WDR7: variants seen among roughly 807,000 people sequenced by gnomAD.
WDR7 encodes WD repeat-containing protein 7.
A neutral mutation model predicts 169.4 loss-of-function variants in WDR7; 46 were observed. That is an observed-to-expected ratio of 0.27 (90% CI 0.21 to 0.35). WDR7 has a LOEUF of 0.35. Among genes scored for constraint, WDR7 ranks in the 10% least tolerant of loss-of-function variants. The pLI, the probability that WDR7 is intolerant of heterozygous loss-of-function variation, is 1.00. For synonymous variants in WDR7, 612 were observed against 666.8 expected (o/e 0.92, Z 1.27); for missense variants, 1,534 against 1,859.3 (o/e 0.83, Z 3.22).
At chr18:56,651,628 T>A (rs1449709229) in intron 1 of WDR7, 52 bp downstream of exon 1, 1 of 152,432 alleles carries the variant, frequency 6.6e-6, no homozygotes, top group East Asian at 1.9e-4. Flanking sequence ...GGGATGTTCC[T>A]GCACCGTGGA....
At chr18:56,691,620 C>T (rs1050984372) in intron 8 of WDR7, 95 bp from the exon 9 acceptor site, 35 of 1,029,274 alleles carry the variant, frequency 3.4e-5, no homozygotes, top group Non-Finnish European at 4.4e-5. Flanking sequence ...TTAAAAATCC[C>T]CTTTTTGTCC....
chr18:56,783,151 G>A (rs2044344626), intron 19 of WDR7, among the ~76,000 whole-genome samples: 1 of 80,914 alleles, frequency 1.2e-5, no homozygotes, highest in Admixed American at 1.8e-4. Context: ...TTTTAATAAA[G>A]CAAATTAAGT....
chr18:56,716,172 A>G (rs1208577447), intron 12 of WDR7, among the ~76,000 whole-genome samples: 4 of 152,120 alleles, frequency 2.6e-5, no homozygotes, highest in Admixed American at 2.6e-4. Context: ...GTCAGAATCA[A>G]CTACCCCTCA....
At chr18:56,698,422 C>T (rs146176286) in intron 12 of WDR7, among the ~76,000 whole-genome samples, 77 of 151,696 alleles carry the variant, frequency 5.1e-4, no homozygotes, top group African/African-American at 1.6e-3. Flanking sequence ...CTGGCTGACA[C>T]GGTGAAACCC....
intron 21 of WDR7, among the ~76,000 whole-genome samples, chr18:56,902,837 A>T (rs557748752): frequency 2.6e-5 from 4 of 152,214 alleles, no homozygotes; most frequent in Admixed American, 2.0e-4. Flanking sequence ...CTGCAGCAGC[A>T]TAAGGAAGGT....
At chr18:56,921,085 C>T (rs952720424) in intron 21 of WDR7, among the ~76,000 whole-genome samples, 1 of 152,130 alleles carries the variant, frequency 6.6e-6, no homozygotes, top group African/African-American at 2.4e-5. Flanking sequence ...ATTATTCCTG[C>T]AGAACATCAT....
intron 26 of WDR7, among the ~76,000 whole-genome samples, chr18:57,014,084 G>A (rs956146792): frequency 3.3e-5 from 5 of 152,260 alleles, no homozygotes; most frequent in South Asian, 4.1e-4. Context: ...CCAGCACTTT[G>A]AGAGGCCGAG....
At chr18:56,653,866 C>T (rs1364504244) in intron 1 of WDR7, among the ~76,000 whole-genome samples, 2 of 152,120 alleles carry the variant, frequency 1.3e-5, no homozygotes, top group African/African-American at 4.8e-5. Context: ...CTCTGTGATA[C>T]TTTCAGTGAG....
chr18:56,840,418 A>T (rs2045465121), intron 20 of WDR7, among the ~76,000 whole-genome samples: 1 of 152,250 alleles, frequency 6.6e-6, no homozygotes, highest in South Asian at 2.1e-4. Flanking sequence ...AATAGAGAAT[A>T]AATATTCAGT....
At chr18:56,686,720 G>A (rs1360380200) in intron 6 of WDR7, 135 bp from the exon 7 acceptor site, 7 of 695,600 alleles carry the variant, frequency 1.0e-5, no homozygotes, top group Middle Eastern at 7.9e-4. Context: ...TTACTACCGT[G>A]GCGCTTACCT....
intron 26 of WDR7, among the ~76,000 whole-genome samples, chr18:56,981,771 C>T (rs1183919785): frequency 2.0e-5 from 3 of 152,128 alleles, no homozygotes; most frequent in Non-Finnish European, 2.9e-5. Flanking sequence ...GAGGTAAAGG[C>T]CTGGCAGCAG....
At chr18:56,672,887 CTAAG>C (rs1009298041) in intron 2 of WDR7, among the ~76,000 whole-genome samples, 1 of 152,020 alleles carries the variant, frequency 6.6e-6, no homozygotes, top group Non-Finnish European at 1.5e-5. Context: ...AATATCTACC[CTAAG>C]TGACTTACTG....
At chr18:56,874,328 A>G (rs1444887873) in intron 20 of WDR7, among the ~76,000 whole-genome samples, 2 of 152,058 alleles carry the variant, frequency 1.3e-5, no homozygotes, top group African/African-American at 4.8e-5. Context: ...CCCTTTAGTT[A>G]CCATAGCTAT....
rs900177671 is a variant in WDR7 at position 56,784,914 on chromosome 18, G to A, written c.3190+3258G>A. The stretch of plus-strand genomic sequence containing the variant: ...AACTTTGATCTTGTCATTTATTGTT[G>A]TTGTTTTTTTTTTTGTGAAAGACAA... On this transcript the variant is annotated intron_variant, in intron 19 of 27. Coordinates refer to ENST00000254442, the MANE Select transcript of WDR7 (RefSeq NM_015285.3). 2.7e-5 allele frequency among the ~76,000 whole-genome samples: 4 copies of A among 147,244 alleles called. No individual in the cohort carries two copies. The East Asian group carries it at 6.1e-4, about 23-fold the overall frequency.
chr18:57,005,679 C>T (rs553932117), intron 26 of WDR7, among the ~76,000 whole-genome samples: 6 of 151,974 alleles, frequency 3.9e-5, no homozygotes, highest in South Asian at 2.1e-4. Context: ...ATATTTTTCC[C>T]GGTGTTTTTC....
chr18:56,733,877 T>C (rs975929344), intron 14 of WDR7, among the ~76,000 whole-genome samples: 4 of 152,168 alleles, frequency 2.6e-5, no homozygotes, highest in South Asian at 2.1e-4. Context: ...AGAGCAGGGA[T>C]TTTTGACTTA....
At chr18:57,003,103 A>G (rs934895832) in intron 26 of WDR7, among the ~76,000 whole-genome samples, 3 of 152,174 alleles carry the variant, frequency 2.0e-5, no homozygotes, top group African/African-American at 7.2e-5. Flanking sequence ...GAAATCAAAG[A>G]AGATGTAAAT....
chr18:56,727,827 G>C (rs1217987244), intron 13 of WDR7, among the ~76,000 whole-genome samples: 2 of 152,124 alleles, frequency 1.3e-5, no homozygotes, highest in African/African-American at 4.8e-5. Context: ...ACCCCAGGAA[G>C]TTAATTACCA....
At chr18:56,783,485 G>C (rs1040339284) in intron 19 of WDR7, among the ~76,000 whole-genome samples, 3 of 151,966 alleles carry the variant, frequency 2.0e-5, no homozygotes, top group African/African-American at 7.2e-5. Context: ...GTTGTTTGAA[G>C]GTGAAAATAG....
Sources: gnomAD v4.1 joint callset for allele counts (sites outside exome capture counted in the v4.1 genomes callset) on GRCh38, gnomAD v4.1.1 for gene constraint, MANE v1.5 for transcripts, NCBI Gene and HGNC (gene_info 2026-07-23, HGNC 2026-07-21) for gene names.